The following KDM2B variants were observed in gnomAD, a reference collection of about 807,000 sequenced individuals.
The protein encoded by KDM2B is lysine-specific demethylase 2B.
In KDM2B, 26 loss-of-function variants were observed where a neutral mutation model predicts 150.0. The observed-to-expected ratio is 0.17, with a 90% CI of 0.13 to 0.24. The LOEUF (loss-of-function observed/expected upper bound fraction) is 0.24. KDM2B is among the 10% of genes least tolerant of loss of function. KDM2B has a pLI of 1.00. For missense variants in KDM2B, 1,265 were observed against 1,816.9 expected (o/e 0.70, Z 5.52); for synonymous variants, 734 against 729.5 (o/e 1.01, Z -0.10).
downstream of KDM2B, among the ~76,000 whole-genome samples, chr12:121,426,980 G>T (rs1415042244): frequency 6.6e-6 from 1 of 152,160 alleles, no homozygotes; most frequent in Non-Finnish European, 1.5e-5. Flanking sequence ...TAAGTCTGCA[G>T]TGGAATACAG....
chr12:121,576,225 G>C (rs930926425), intron 2 of KDM2B, among the ~76,000 whole-genome samples: 1 of 152,142 alleles, frequency 6.6e-6, no homozygotes, highest in Admixed American at 6.6e-5. Context: ...ACAGAGACAC[G>C]CATCCCAAGC....
rs377186765 is a variant in KDM2B at position 121,430,181 on chromosome 12, C to T, written c.*107G>A. 9.9e-6 allele frequency: 16 copies of T among 1,614,042 alleles called. No homozygotes were observed. Among genetic ancestry groups the T allele is most frequent in the South Asian group, 4.4e-5 (4 of 91,086 alleles). The stretch of plus-strand genomic sequence containing the variant: ...TGGAAAGACTTGCAAAATGGAATTG[C>T]GTTGTGGTCTGTTGTCCCACGTTCC... On this transcript the variant is annotated 3_prime_UTR_variant, in exon 23 of 23. Transcript: ENST00000377071. This position sits in a 1 kb window ranked among gnomAD's most constrained non-coding sequence, Gnocchi z 4.4.
At chr12:121,525,956 G>A (rs1887091230) in intron 8 of KDM2B, among the ~76,000 whole-genome samples, 3 of 152,120 alleles carry the variant, frequency 2.0e-5, no homozygotes, top group Admixed American at 2.0e-4. Context: ...CACCCTGGAT[G>A]CCACCTGGCT....
rs562329623 is a variant in KDM2B at position 121,465,864 on chromosome 12, A to C, written c.1735-12520T>G. Among the ~76,000 whole-genome samples, 6 of 152,324 alleles carry C rather than the reference A, an allele frequency of 3.9e-5. 1 individual carries two copies. The highest frequency in any genetic ancestry group is 2.0e-4 in the Admixed American group (3 of 15,300). ...TGTTCAAAGCAGGAATTGAAGTGTG[A>C]TCTATGGAACAAGACTTTGAGAGCC... On this transcript the variant is annotated intron_variant, in intron 12 of 22. Transcript: ENST00000377071.
chr12:121,520,856 A>C lies in KDM2B; in HGVS notation c.1047+129T>G. 1.9e-5 allele frequency: 7 copies of C among 359,912 alleles called. No individual in the cohort carries two copies. The highest frequency in any genetic ancestry group is 2.9e-5 in the Admixed American group (1 of 33,996). The allele number at this position is 359,912 out of a possible 1,614,324, so 22.3% of individuals were successfully genotyped here. A position where few individuals can be genotyped will look rare whatever the true frequency, so the allele number is the denominator to read the frequency against. Reference sequence around the variant, plus strand: ...CCGCCACAGAACCAGGACTGAAGCCAGCTTGAGAGAGGAATCGGGAGGGAG... The same window carrying C: ...CCGCCACAGAACCAGGACTGAAGCCCGCTTGAGAGAGGAATCGGGAGGGAG... On this transcript the variant is annotated intron_variant, in intron 9 of 22. Coordinates refer to ENST00000377071, the MANE Select transcript of KDM2B (RefSeq NM_032590.5). This position sits in a 1 kb window ranked among gnomAD's most constrained non-coding sequence, Gnocchi z 4.5.
Position 121,494,647 on chromosome 12 carries a change from C to G in KDM2B, c.1666G>C (p.Ala556Pro). The G allele has an allele frequency of 6.2e-7, 1 of 1,612,166 alleles. No homozygotes were observed. Among genetic ancestry groups the G allele is most frequent in the South Asian group, 1.1e-5 (1 of 90,682 alleles). The change falls in exon 12 of 23, where the codon GCA (alanine) becomes CCA (proline). Residue 556 changes from alanine (A) to proline (P), a missense_variant. By Grantham distance (27) the Ala-to-Pro change is conservative. Coordinates refer to ENST00000377071, the MANE Select transcript of KDM2B (RefSeq NM_032590.5). ...EGVKNVLKEH[A>P]DDDPSLAITG... ...ATGGCCAGACTAGGGTCATCATCTG[C>G]GTGCTCCTTCAGGACGTTCTGTGGC...
chr12:121,548,088 T>C (rs1889208398), intron 6 of KDM2B, among the ~76,000 whole-genome samples: 2 of 152,118 alleles, frequency 1.3e-5, no homozygotes, highest in South Asian at 2.1e-4. Flanking sequence ...GACTTGCTGG[T>C]AATGCCACAT....
At chr12:121,574,436 G>T in intron 4 of KDM2B, 111 bp downstream of exon 4, 1 of 971,106 alleles carries the variant, frequency 1.0e-6, no homozygotes. Context: ...CTTCTCCCGT[G>T]GGGACTTTGT....
At chr12:121,437,492 T>C (rs1874201131) in intron 22 of KDM2B, among the ~76,000 whole-genome samples, 1 of 145,190 alleles carries the variant, frequency 6.9e-6, no homozygotes, top group African/African-American at 2.5e-5. Context: ...CTAATAAATA[T>C]ATAATGTCCA....
At chr12:121,525,883 G>A (rs1887085841) in intron 8 of KDM2B, among the ~76,000 whole-genome samples, 1 of 152,130 alleles carries the variant, frequency 6.6e-6, no homozygotes. Flanking sequence ...AGATCCCTGG[G>A]TCTTCCCCAG....
chr12:121,434,848 T>C (rs1873705870), intron 22 of KDM2B, among the ~76,000 whole-genome samples: 1 of 151,884 alleles, frequency 6.6e-6, no homozygotes, highest in Non-Finnish European at 1.5e-5. Flanking sequence ...TCCCAGCTAC[T>C]TGGGAGACTG....
Position 121,500,958 on chromosome 12 carries a change from A to G in KDM2B, c.1648-6293T>C, listed in dbSNP as rs1566344323. On this transcript the variant is annotated intron_variant, in intron 11 of 22. Transcript: ENST00000377071. The stretch of plus-strand genomic sequence containing the variant: ...TCTACTGAAAACACAAAAATTAGCC[A>G]GGCATGGCGGCACATGCCCATAGTC... Among the ~76,000 whole-genome samples the G allele has an allele frequency of 2.0e-5, 3 of 152,202 alleles. No homozygotes were observed. The South Asian group carries it at 6.2e-4, about 32-fold the overall frequency.
intron 6 of KDM2B, among the ~76,000 whole-genome samples, chr12:121,546,239 T>C (rs1293688938): frequency 2.0e-5 from 3 of 152,070 alleles, no homozygotes; most frequent in Non-Finnish European, 4.4e-5. Flanking sequence ...AATGAATGAA[T>C]CAATCAACCA....
intron 11 of KDM2B, among the ~76,000 whole-genome samples, chr12:121,504,553 T>G (rs1314076721): frequency 2.6e-5 from 4 of 151,858 alleles, no homozygotes; most frequent in African/African-American, 9.7e-5. Context: ...AACCAAAACC[T>G]ACGTTACAAT....
intron 6 of KDM2B, among the ~76,000 whole-genome samples, chr12:121,546,726 G>A (rs1200392249): frequency 7.1e-6 from 1 of 141,256 alleles, no homozygotes; most frequent in East Asian, 2.1e-4. Context: ...TTTTTTTTGA[G>A]ACATGCTCTC....
chr12:121,539,487 C>T lies in KDM2B; in HGVS notation c.684-4897G>A, dbSNP rs115061329. Among the ~76,000 whole-genome samples, 1,316 of 152,104 alleles carry T rather than the reference C, an allele frequency of 8.7e-3. 20 individuals are homozygous for T. Among genetic ancestry groups the T allele is most frequent in the African/African-American group, 0.03 (1,233 of 41,506 alleles). On this transcript the variant is annotated intron_variant, in intron 6 of 22. Transcript: ENST00000377071. ...GCTCCTTGAAGGCAGGGACTATATCCGATTCATCTGTGTAACCGTAGCACC... is the reference window on the plus strand; with the variant it reads ...GCTCCTTGAAGGCAGGGACTATATCTGATTCATCTGTGTAACCGTAGCACC...
chr12:121,579,108 A>G, intron 1 of KDM2B, 162 bp from the exon 2 acceptor site: 1 of 765,086 alleles, frequency 1.3e-6, no homozygotes, highest in African/African-American at 1.8e-5. Flanking sequence ...GCTGAAAAGC[A>G]GGACAAGGAG....
At chr12:121,504,069 A>G (rs1475774114) in intron 11 of KDM2B, among the ~76,000 whole-genome samples, 2 of 152,104 alleles carry the variant, frequency 1.3e-5, no homozygotes, top group African/African-American at 4.8e-5. Flanking sequence ...CCATCACAGT[A>G]AGTGTCTATA....
At chr12:121,416,425 T>C in the KDM2B span, 1 of 1,252,270 alleles carries the variant, frequency 8.0e-7, no homozygotes, top group Non-Finnish European at 1.2e-6. Flanking sequence ...GTCAGCATTC[T>C]TGATTGTAGG....
Sources: allele counts gnomAD v4.1 joint callset (sites outside exome capture counted in the v4.1 genomes callset), GRCh38; gene constraint gnomAD v4.1.1; non-coding constraint Gnocchi (gnomAD v3.1); transcripts MANE v1.5; gene names NCBI Gene and HGNC (gene_info 2026-07-23, HGNC 2026-07-21).